C6orf141: variants seen among roughly 807,000 people sequenced by gnomAD.
C6orf141 encodes the protein chromosome 6 open reading frame 141, also known as uncharacterized protein C6orf141.
For missense variants in C6orf141, 361 were observed against 335.8 expected, an observed-to-expected ratio of 1.07 and a Z score of -0.59; for synonymous variants, 164 against 140.5, an observed-to-expected ratio of 1.17 and a Z score of -1.18.
Position 49,551,954 on chromosome 6 carries a change from T to G in C6orf141, c.*427T>G. 2.0e-6 allele frequency: 2 copies of G among 1,011,956 alleles called. No individual in the cohort carries two copies. The highest frequency in any genetic ancestry group is 9.1e-5 in the South Asian group (2 of 22,026). The allele number at this position is 1,011,956 out of a possible 1,614,324, so 62.7% of individuals were successfully genotyped here. A position where few individuals can be genotyped will look rare whatever the true frequency, so the allele number is the denominator to read the frequency against. On this transcript the variant is annotated 3_prime_UTR_variant, in exon 1 of 1. Transcript: ENST00000529246. ...TGGGAGTGGGTGGAGAAGAGGCTTGTTTTAAAAGCCAAAAACAGAAAGTAA... is the reference window on the plus strand; with the variant it reads ...TGGGAGTGGGTGGAGAAGAGGCTTGGTTTAAAAGCCAAAAACAGAAAGTAA...
chr6:49,551,749 G>A lies in C6orf141; in HGVS notation c.*222G>A. 7.2e-7 allele frequency: 1 copy of A among 1,393,606 alleles called. No homozygotes were observed. The highest frequency in any genetic ancestry group is 9.3e-7 in the Non-Finnish European group (1 of 1,072,466). 86.3% of individuals were successfully genotyped at this position (1,393,606 alleles called of 1,614,324 possible). A position where few individuals can be genotyped will look rare whatever the true frequency, so the allele number is the denominator to read the frequency against. On this transcript the variant is annotated 3_prime_UTR_variant, in exon 1 of 1. Transcript: ENST00000529246. ...GGGACCTAAGTCATTCAGAAGAGGT[G>A]GAGAAAAGATATTTTCAGATTGGCA...
chr6:49,555,787 C>T (rs190400947), downstream of C6orf141, among the ~76,000 whole-genome samples: 15 of 151,906 alleles, frequency 9.9e-5, no homozygotes, highest in East Asian at 9.8e-4. Flanking sequence ...TGATTACAGG[C>T]GTGAGCCACC....
At chr6:49,558,059 G>GTTTTTTTTTTTTT (rs71002664) in intron 4 of C6orf141, among the ~76,000 whole-genome samples, 14 of 97,802 alleles carry the variant, frequency 1.4e-4, no homozygotes, top group African/African-American at 5.6e-4. Flanking sequence ...ACTCAAATAT[G>GTTTTTTTTTTTTT]TTTTTTTTTT....
At chr6:49,557,834 A>G (rs1164763816) in intron 4 of C6orf141, among the ~76,000 whole-genome samples, 1 of 151,740 alleles carries the variant, frequency 6.6e-6, no homozygotes, top group Non-Finnish European at 1.5e-5. Context: ...AAATATTCCC[A>G]CCTTTTGTTT....
At chr6:49,558,920 G>C (rs1772656135) in intron 4 of C6orf141, among the ~76,000 whole-genome samples, 1 of 151,458 alleles carries the variant, frequency 6.6e-6, no homozygotes, top group Non-Finnish European at 1.5e-5. Context: ...TGTTAGCCAG[G>C]ATGGTCTCGA....
intron 4 of C6orf141, among the ~76,000 whole-genome samples, chr6:49,557,793 G>T (rs6458697): frequency 6.6e-6 from 1 of 152,146 alleles, no homozygotes; most frequent in African/African-American, 2.4e-5. Context: ...ACATTGTCTC[G>T]TAGTTTTTCT....
chr6:49,551,757 G>T lies in C6orf141; in HGVS notation c.*230G>T, dbSNP rs1770675907. The T allele has an allele frequency of 7.3e-7, 1 of 1,378,066 alleles. No individual in the cohort carries two copies. 85.4% of individuals were successfully genotyped at this position (1,378,066 alleles called of 1,614,324 possible). ...AGTCATTCAGAAGAGGTGGAGAAAA[G>T]ATATTTTCAGATTGGCAGAATGTGG... On this transcript the variant is annotated 3_prime_UTR_variant, in exon 1 of 1. Coordinates refer to ENST00000529246, the MANE Select transcript of C6orf141 (RefSeq NM_001145652.2).
intron 4 of C6orf141, among the ~76,000 whole-genome samples, chr6:49,559,547 A>G (rs140013486): frequency 0.015 from 2,320 of 152,152 alleles, 40 homozygotes; most frequent in Non-Finnish European, 0.019. Context: ...CTGGGGTTAT[A>G]GCATACATAA....
In C6orf141 at chr6:49,550,958, C is replaced by G; in HGVS notation, c.166C>G (p.Arg56Gly). 6.5e-7 allele frequency: 1 copy of G among 1,549,982 alleles called. No individual in the cohort carries two copies. The highest frequency in any genetic ancestry group is 8.7e-7 in the Non-Finnish European group (1 of 1,146,554). ...GAATCCCGCGACGGCAGGGGCGAGCCGAAGCCAGGGCGGCGGCCACGAGGA... is the reference window on the plus strand; with the variant it reads ...GAATCCCGCGACGGCAGGGGCGAGCGGAAGCCAGGGCGGCGGCCACGAGGA... ...ARNPATAGAS[R>G]SQGGGHEDRT... Residue 56 changes from arginine to glycine, a missense_variant, in exon 1 of 1, where the codon CGA becomes GGA. Arg to Gly is a moderately radical substitution (Grantham distance 125). Coordinates refer to ENST00000529246, the MANE Select transcript of C6orf141 (RefSeq NM_001145652.2).
chr6:49,561,376 G>A (rs977426192), intron 4 of C6orf141, among the ~76,000 whole-genome samples: 1 of 152,186 alleles, frequency 6.6e-6, no homozygotes, highest in Non-Finnish European at 1.5e-5. Flanking sequence ...TGGGATCACA[G>A]GCATGAGCCA....
In C6orf141 at chr6:49,550,830, C is replaced by T; in HGVS notation, c.38C>T (p.Pro13Leu). ...DPFARMETRGPQGAANPMDSS... is the reference protein window; with the variant it reads ...DPFARMETRGLQGAANPMDSS... ...TTTGCCAGGATGGAGACCCGGGGGC[C>T]TCAGGGAGCTGCGAATCCCATGGAC... Residue 13 changes from proline to leucine, a missense_variant, in exon 1 of 1, where the codon CCT (proline) becomes CTT (leucine). Coordinates refer to ENST00000529246, the MANE Select transcript of C6orf141 (RefSeq NM_001145652.2). The T allele has an allele frequency of 1.4e-6, 2 of 1,479,728 alleles. No individual in the cohort carries two copies. The highest frequency in any genetic ancestry group is 2.5e-5 in the East Asian group (1 of 40,146). The allele number at this position is 1,479,728 out of a possible 1,614,324, so 91.7% of individuals were successfully genotyped here. A position where few individuals can be genotyped will look rare whatever the true frequency, so the allele number is the denominator to read the frequency against.
chr6:49,553,984 C>T (rs913386699), downstream of C6orf141, among the ~76,000 whole-genome samples: 14 of 152,020 alleles, frequency 9.2e-5, no homozygotes, highest in African/African-American at 2.7e-4. Context: ...AAAGTCAAGC[C>T]GGTGGTTTTT....
chr6:49,553,139 A>G (rs1037435952), downstream of C6orf141: 1 of 152,312 alleles, frequency 6.6e-6, no homozygotes, highest in African/African-American at 2.4e-5. Flanking sequence ...CATGTTGGCC[A>G]GGCTGGTCTT....
At chr6:49,554,178 A>AT (rs1276613225), downstream of C6orf141, among the ~76,000 whole-genome samples, 1 of 152,206 alleles carries the variant, frequency 6.6e-6, no homozygotes, top group Non-Finnish European at 1.5e-5. Flanking sequence ...AAGAGTTTAC[A>AT]TACCTCCTAG....
intron 4 of C6orf141, among the ~76,000 whole-genome samples, chr6:49,557,600 A>G (rs1772208124): frequency 6.6e-6 from 1 of 152,172 alleles, no homozygotes; most frequent in East Asian, 1.9e-4. Context: ...AGATCCAGGT[A>G]TGTCTTTCTT....
chr6:49,558,770 C>T (rs868198955), intron 4 of C6orf141, among the ~76,000 whole-genome samples: 56 of 151,982 alleles, frequency 3.7e-4, no homozygotes, highest in Admixed American at 2.2e-3. Flanking sequence ...TGCAGTGGCA[C>T]GATCTTGGCT....
Position 49,551,314 on chromosome 6 carries a change from C to T in C6orf141, c.522C>T (p.Thr174=), listed in dbSNP as rs914114890. 1.3e-6 allele frequency: 2 copies of T among 1,551,584 alleles called. No homozygotes were observed. Among genetic ancestry groups the T allele is most frequent in the Non-Finnish European group, 1.7e-6 (2 of 1,146,990 alleles). Residue 174 remains threonine, a synonymous_variant, in exon 1 of 1, where the codon ACC becomes ACT. Coordinates refer to ENST00000529246, the MANE Select transcript of C6orf141 (RefSeq NM_001145652.2). Reference sequence around the variant, plus strand: ...AGGTAACACAAGAAGTGTTGCAGACCTCCTGGGCCAAGGGTCGCATGACCA... The same window carrying T: ...AGGTAACACAAGAAGTGTTGCAGACTTCCTGGGCCAAGGGTCGCATGACCA... ...DYQVTQEVLQ[T]SWAKGRMTTR... is the part of the protein sequence containing the mutation.
chr6:49,554,120 T>C (rs1043682960), downstream of C6orf141, among the ~76,000 whole-genome samples: 1 of 152,160 alleles, frequency 6.6e-6, no homozygotes, highest in Admixed American at 6.5e-5. Context: ...TAGGGACTCA[T>C]GGTAAAGCTC....
chr6:49,558,059 G>GTTTTTTTT (rs71002664), intron 4 of C6orf141, among the ~76,000 whole-genome samples: 5 of 97,800 alleles, frequency 5.1e-5, no homozygotes, highest in South Asian at 3.7e-4. Flanking sequence ...ACTCAAATAT[G>GTTTTTTTT]TTTTTTTTTT....
Sources: gnomAD v4.1 joint callset for allele counts (sites outside exome capture counted in the v4.1 genomes callset) on GRCh38, gnomAD v4.1.1 for gene constraint, MANE v1.5 for transcripts, NCBI Gene and HGNC (gene_info 2026-07-23, HGNC 2026-07-21) for gene names.